Variants in PITPNC1 observed in about 807,000 individuals in gnomAD.
PITPNC1 encodes phosphatidylinositol transfer protein cytoplasmic 1, also known as cytoplasmic phosphatidylinositol transfer protein 1.
Under a neutral mutation model 44.7 loss-of-function variants are expected in PITPNC1, and 18 were observed. The ratio of observed to expected loss-of-function variants is 0.40; its 90% CI spans 0.28 to 0.60. PITPNC1 has a LOEUF of 0.60. PITPNC1 is among the 20% of genes least tolerant of loss of function. The pLI is 0.39. For missense variants in PITPNC1, 290 were observed against 418.4 expected, an observed-to-expected ratio of 0.69 and a Z score of 2.68; for synonymous variants, 141 against 149.6, an observed-to-expected ratio of 0.94 and a Z score of 0.42.
rs550464107 is a variant in PITPNC1, at chr17:67,551,408, A to G, written c.198-849A>G. Among the ~76,000 whole-genome samples, 7 of 152,312 alleles carry G rather than the reference A, an allele frequency of 4.6e-5. No homozygotes were observed. The East Asian group carries it at 1.2e-3, about 25-fold the overall frequency. On this transcript the variant is annotated intron_variant, in intron 2 of 8. Transcript: ENST00000581322. ...TTCTGGGGGCCGGAAACCCAAAATC[A>G]AAGTGTTGTTTTCTTCTGGGGAAAC...
chr17:67,415,503 C>T (rs1205093734), intron 1 of PITPNC1, among the ~76,000 whole-genome samples: 1 of 152,226 alleles, frequency 6.6e-6, no homozygotes, highest in East Asian at 1.9e-4. Flanking sequence ...CAGCCTCATC[C>T]TCTGCCCTTC....
intron 6 of PITPNC1, among the ~76,000 whole-genome samples, chr17:67,663,684 C>A (rs763654143): frequency 6.6e-6 from 1 of 152,050 alleles, no homozygotes; most frequent in African/African-American, 2.4e-5. Flanking sequence ...AGGCAGTGCT[C>A]CACTCATTTT....
In PITPNC1 at chr17:67,470,743, G is replaced by A. The variant is rs550870170; in HGVS notation, c.49-62059G>A. On this transcript the variant is annotated intron_variant, in intron 1 of 8. Transcript: ENST00000581322. ...GAGAACAGGCCAGGATGACAATGGCGGCTTTGTGGAATAGAAAGGCGGGAA... is the reference window on the plus strand; with the variant it reads ...GAGAACAGGCCAGGATGACAATGGCAGCTTTGTGGAATAGAAAGGCGGGAA... 2.1e-3 allele frequency among the ~76,000 whole-genome samples: 313 copies of A among 152,128 alleles called. 1 individual carries two copies. Among genetic ancestry groups the A allele is most frequent in the Non-Finnish European group, 3.4e-3 (230 of 67,988 alleles).
At chr17:67,383,551 G>A (rs1162239060) in intron 1 of PITPNC1, among the ~76,000 whole-genome samples, 3 of 152,208 alleles carry the variant, frequency 2.0e-5, no homozygotes, top group South Asian at 2.1e-4. Context: ...ACCTCCTCCC[G>A]CAGCCACTCG....
intron 1 of PITPNC1, among the ~76,000 whole-genome samples, chr17:67,513,477 ATG>A (rs10653914): frequency 1.8e-4 from 24 of 131,726 alleles, no homozygotes; most frequent in African/African-American, 7.0e-4. Context: ...TTTTTACTAT[ATG>A]TGTGTGTGTG....
At chr17:67,661,199 C>T (rs570118584) in intron 6 of PITPNC1, among the ~76,000 whole-genome samples, 59 of 152,000 alleles carry the variant, frequency 3.9e-4, no homozygotes, top group Non-Finnish European at 6.0e-4. Context: ...CATATGATTT[C>T]GGTGGTGGTT....
At chr17:67,535,659 T>A (rs1428733918) in intron 2 of PITPNC1, among the ~76,000 whole-genome samples, 1 of 152,044 alleles carries the variant, frequency 6.6e-6, no homozygotes, top group African/African-American at 2.4e-5. Context: ...AGGAAAAAGA[T>A]TAATGGGGAC....
At chr17:67,518,083 G>T (rs188902454) in intron 1 of PITPNC1, among the ~76,000 whole-genome samples, 1 of 152,218 alleles carries the variant, frequency 6.6e-6, no homozygotes, top group East Asian at 1.9e-4. Flanking sequence ...CATGCAATTC[G>T]TAAGTAAACG....
At chr17:67,476,728 TC>T (rs952177102) in intron 1 of PITPNC1, among the ~76,000 whole-genome samples, 60 of 152,152 alleles carry the variant, frequency 3.9e-4, no homozygotes, top group African/African-American at 1.2e-3. Flanking sequence ...CAAGCAATAC[TC>T]CCACCTCCAC....
At chr17:67,487,802 G>A (rs530894712) in intron 1 of PITPNC1, among the ~76,000 whole-genome samples, 3 of 152,260 alleles carry the variant, frequency 2.0e-5, no homozygotes, top group South Asian at 4.1e-4. Context: ...TTAGATGCAC[G>A]GCCAGAGTTC....
At chr17:67,522,552 GT>G (rs2040338078) in intron 1 of PITPNC1, among the ~76,000 whole-genome samples, 1 of 151,546 alleles carries the variant, frequency 6.6e-6, no homozygotes, top group South Asian at 2.1e-4. Flanking sequence ...TAAAGTAATT[GT>G]TAGATGGTTT....
At chr17:67,405,986 A>G (rs948649569) in intron 1 of PITPNC1, among the ~76,000 whole-genome samples, 4 of 152,152 alleles carry the variant, frequency 2.6e-5, no homozygotes, top group African/African-American at 9.7e-5. Flanking sequence ...TTAGTCTTCA[A>G]TAACTTGCTA....
intron 1 of PITPNC1, among the ~76,000 whole-genome samples, chr17:67,446,191 C>T (rs983228880): frequency 4.6e-5 from 7 of 151,606 alleles, no homozygotes; most frequent in African/African-American, 7.3e-5. Context: ...ATGATCCACC[C>T]GCCTCGGCCT....
intron 2 of PITPNC1, among the ~76,000 whole-genome samples, chr17:67,539,570 G>A (rs1037840279): frequency 3.9e-5 from 6 of 152,222 alleles, no homozygotes; most frequent in Non-Finnish European, 8.8e-5. Context: ...CCGGCACGAT[G>A]GCTCACGCCT....
chr17:67,663,865 C>A (rs1485930467), intron 6 of PITPNC1, among the ~76,000 whole-genome samples: 1 of 152,168 alleles, frequency 6.6e-6, no homozygotes, highest in African/African-American at 2.4e-5. Flanking sequence ...AAACCTGCTT[C>A]CGCCCTAGAC....
chr17:67,500,571 CA>C (rs1185717082), intron 1 of PITPNC1, among the ~76,000 whole-genome samples: 1 of 151,976 alleles, frequency 6.6e-6, no homozygotes, highest in Non-Finnish European at 1.5e-5. Context: ...ATGGTTGTAA[CA>C]ACCTCATGAA....
Position 67,422,832 on chromosome 17 carries a change from G to C in PITPNC1, c.48+44630G>C, listed in dbSNP as rs1028454977. ...GGGAATAAAAGTCGTGAGCTACCAC[G>C]CCGGTCTAGCTTACTCAAACAATGT... is the stretch of plus-strand genomic sequence containing the variant. On this transcript the variant is annotated intron_variant, in intron 1 of 8. Transcript: ENST00000581322. Among the ~76,000 whole-genome samples the C allele has an allele frequency of 1.8e-4, 27 of 152,112 alleles. 1 individual carries two copies. The highest frequency in any genetic ancestry group is 7.4e-5 in the Non-Finnish European group (5 of 68,020).
intron 1 of PITPNC1, among the ~76,000 whole-genome samples, chr17:67,382,713 C>T (rs368271984): frequency 3.3e-5 from 5 of 152,042 alleles, no homozygotes; most frequent in Admixed American, 2.6e-4. Flanking sequence ...CGACCTCCAC[C>T]GCCCGGTTTC....
intron 1 of PITPNC1, among the ~76,000 whole-genome samples, chr17:67,436,388 G>C (rs558594492): frequency 6.6e-5 from 10 of 152,224 alleles, no homozygotes; most frequent in African/African-American, 2.2e-4. Flanking sequence ...GCGACAATCT[G>C]AGAGACAGCT....
Sources: allele counts gnomAD v4.1 joint callset (sites outside exome capture counted in the v4.1 genomes callset), GRCh38; gene constraint gnomAD v4.1.1; transcripts MANE v1.5; gene names NCBI Gene and HGNC (gene_info 2026-07-23, HGNC 2026-07-21).